SOX5: variants seen among roughly 807,000 people sequenced by gnomAD.
SOX5 encodes the protein transcription factor SOX-5.
A neutral mutation model predicts 92.0 loss-of-function variants in SOX5; 9 were observed. The observed-to-expected ratio is 0.10, with a 90% CI of 0.06 to 0.17. SOX5 has a LOEUF of 0.17. Ranked by LOEUF, SOX5 falls within the 10% of genes least tolerant of loss-of-function variation. SOX5 has a pLI of 1.00. For missense variants in SOX5, 642 were observed against 944.5 expected (o/e 0.68, Z 4.20); for synonymous variants, 344 against 336.3 (o/e 1.02, Z -0.25).
At chr12:23,926,057 T>C (rs191754189) in intron 1 of SOX5, among the ~76,000 whole-genome samples, 102 of 152,140 alleles carry the variant, frequency 6.7e-4, no homozygotes, top group Non-Finnish European at 7.1e-4. Context: ...CATAATCAAT[T>C]TGATAGTTCC....
chr12:24,139,289 G>T (rs935701526), intron 4 of SOX5, among the ~76,000 whole-genome samples: 3 of 152,166 alleles, frequency 2.0e-5, no homozygotes, highest in Non-Finnish European at 4.4e-5. Flanking sequence ...GAGCCCGGCT[G>T]TAATGGCTGT....
At chr12:24,093,040 C>G (rs1453331069) in intron 4 of SOX5, among the ~76,000 whole-genome samples, 1 of 152,112 alleles carries the variant, frequency 6.6e-6, no homozygotes, top group Non-Finnish European at 1.5e-5. Context: ...ATAAAAAAAT[C>G]ATGAGCTAAA....
intron 4 of SOX5, among the ~76,000 whole-genome samples, chr12:24,028,299 A>C (rs1057480578): frequency 3.3e-5 from 5 of 152,070 alleles, no homozygotes; most frequent in Admixed American, 2.0e-4. Flanking sequence ...AGCACAGCAC[A>C]GTGCCTGTCA....
intron 3 of SOX5, among the ~76,000 whole-genome samples, chr12:24,259,068 A>G (rs1941686101): frequency 6.6e-6 from 1 of 152,218 alleles, no homozygotes; most frequent in African/African-American, 2.4e-5. Context: ...CCTCCAGTGC[A>G]AAATAGATTA....
chr12:24,447,773 C>T (rs1260270622), intron 1 of SOX5, among the ~76,000 whole-genome samples: 1 of 152,152 alleles, frequency 6.6e-6, no homozygotes, highest in Non-Finnish European at 1.5e-5. Context: ...TTCCCATCAA[C>T]AGAAGTATGG....
At chr12:23,827,040 C>T (rs2096245661) in intron 3 of SOX5, among the ~76,000 whole-genome samples, 1 of 152,050 alleles carries the variant, frequency 6.6e-6, no homozygotes, top group South Asian at 2.1e-4. Flanking sequence ...GCAATGAGCT[C>T]TACGTTGATA....
chr12:23,802,679 A>G (rs1410032317), intron 3 of SOX5, among the ~76,000 whole-genome samples: 1 of 152,234 alleles, frequency 6.6e-6, no homozygotes, highest in Non-Finnish European at 1.5e-5. Context: ...GATATCAGCT[A>G]TAATTGTTTT....
chr12:24,112,020 C>T (rs1188600287), intron 4 of SOX5, among the ~76,000 whole-genome samples: 3 of 152,116 alleles, frequency 2.0e-5, no homozygotes, highest in African/African-American at 4.8e-5. Context: ...CCAAGCTTAT[C>T]CACTGTCATG....
At position 24,165,903 on chromosome 12, in the gene SOX5, G is replaced by GAT. The variant is rs948586592; in HGVS notation, c.-2+47438_-2+47439dup. On this transcript the variant is annotated intron_variant, in intron 4 of 4. Transcript: ENST00000446891. ...TCACCAAAGGATGTGATGGAAAATA[G>GAT]ATATATATATGAAATATGTGAGATT... 3.2e-4 allele frequency among the ~76,000 whole-genome samples: 49 copies of GAT among 152,194 alleles called. 1 individual carries two copies. The highest frequency in any genetic ancestry group is 6.8e-3 in the Middle Eastern group (2 of 294).
chr12:23,967,291 A>G (rs1031315117), intron 4 of SOX5, among the ~76,000 whole-genome samples: 2 of 152,172 alleles, frequency 1.3e-5, no homozygotes, highest in African/African-American at 4.8e-5. Context: ...GATGCATTAC[A>G]GCATGAAAAG....
At chr12:24,088,628 T>G (rs1402940570) in intron 4 of SOX5, among the ~76,000 whole-genome samples, 1 of 151,944 alleles carries the variant, frequency 6.6e-6, no homozygotes, top group Non-Finnish European at 1.5e-5. Flanking sequence ...TTTTAGTCTT[T>G]TCTTTTCTCT....
At chr12:24,269,099 C>A (rs1943375891) in intron 3 of SOX5, among the ~76,000 whole-genome samples, 1 of 152,104 alleles carries the variant, frequency 6.6e-6, no homozygotes, top group South Asian at 2.1e-4. Flanking sequence ...ACTCACTTGA[C>A]AATTTACAGT....
Position 24,010,417 on chromosome 12 carries a change from T to G in SOX5, c.-1-114393A>C, listed in dbSNP as rs116315679. On this transcript the variant is annotated intron_variant, in intron 4 of 4. Coordinates refer to the SOX5 transcript ENST00000446891. ...AGTAACTAGCAATAACACATTGGAT[T>G]GCATCCTGAGAAATCTGATCCCCGT... Among the ~76,000 whole-genome samples the G allele has an allele frequency of 2.5e-3, 384 of 152,334 alleles. 3 individuals are homozygous for G. The highest frequency in any genetic ancestry group is 8.8e-3 in the African/African-American group (365 of 41,596).
At chr12:23,573,341 C>A (rs1311073505) in intron 10 of SOX5, among the ~76,000 whole-genome samples, 1 of 152,144 alleles carries the variant, frequency 6.6e-6, no homozygotes, top group East Asian at 1.9e-4. Context: ...GAAATCTATT[C>A]AAACCATTCA....
intron 4 of SOX5, among the ~76,000 whole-genome samples, chr12:23,999,140 C>CTGTGTGTGTGTG (rs1384723605): frequency 0.032 from 4,479 of 141,282 alleles, 111 homozygotes; most frequent in East Asian, 0.068. Flanking sequence ...AAAAAAGACT[C>CTGTGTGTGTGTG]TGTGTGTGTG....
Position 23,830,903 on chromosome 12 carries a change from T to C in SOX5, c.481+15080A>G, listed in dbSNP as rs146705107. On this transcript the variant is annotated intron_variant, in intron 3 of 14. Coordinates refer to ENST00000451604, the MANE Select transcript of SOX5 (RefSeq NM_006940.6). ...AGAACAAGCATTGTGATTTATAATG[T>C]AAACTCAAACATCAAACATGCAATG... Among the ~76,000 whole-genome samples, 696 of 152,232 alleles carry C rather than the reference T, an allele frequency of 4.6e-3. 8 individuals are homozygous for C. The highest frequency in any genetic ancestry group is 0.016 in the African/African-American group (672 of 41,554).
chr12:23,603,283 T>G (rs984771384), intron 9 of SOX5, among the ~76,000 whole-genome samples: 1 of 151,786 alleles, frequency 6.6e-6, no homozygotes, highest in Non-Finnish European at 1.5e-5. Flanking sequence ...TGAGGATTCT[T>G]GGATTTTTCT....
chr12:24,370,508 T>C (rs1339919993), intron 1 of SOX5, among the ~76,000 whole-genome samples: 1 of 147,060 alleles, frequency 6.8e-6, no homozygotes, highest in African/African-American at 2.5e-5. Flanking sequence ...TGTATTGGTT[T>C]TGGCCAGGCA....
intron 6 of SOX5, among the ~76,000 whole-genome samples, chr12:23,691,292 T>C (rs564810354): frequency 6.6e-6 from 1 of 152,354 alleles, no homozygotes; most frequent in East Asian, 1.9e-4. Context: ...CTGTCTTCTT[T>C]AGATTATCAC....
Sources: allele counts gnomAD v4.1 joint callset (sites outside exome capture counted in the v4.1 genomes callset), GRCh38; gene constraint gnomAD v4.1.1; transcripts MANE v1.5; gene names NCBI Gene and HGNC (gene_info 2026-07-23, HGNC 2026-07-21).